Variants in FGF3 observed in about 807,000 individuals in gnomAD.
The protein encoded by FGF3 is fibroblast growth factor 3, also known as FGF-3.
In FGF3, 7 loss-of-function variants were observed where a neutral mutation model predicts 9.8. That is an observed-to-expected ratio of 0.72 (90% CI 0.41 to 1.35). The LOEUF (loss-of-function observed/expected upper bound fraction) is 1.35. Ranked by LOEUF, FGF3 falls within the 40% of genes most tolerant of loss-of-function variation. The pLI, the probability that FGF3 is intolerant of heterozygous loss-of-function variation, is 0.01. For synonymous variants in FGF3, 173 were observed against 157.2 expected, an observed-to-expected ratio of 1.10 and a Z score of -0.75; for missense variants, 390 against 345.6, an observed-to-expected ratio of 1.13 and a Z score of -1.02.
chr11:69,815,126 G>T (rs1349499437), intron 2 of FGF3, among the ~76,000 whole-genome samples: 6 of 151,004 alleles, frequency 4.0e-5, no homozygotes, highest in Non-Finnish European at 8.9e-5. Flanking sequence ...TGGATGGATG[G>T]ATGGATGGAT....
chr11:69,813,878 G>A (rs943642585), intron 2 of FGF3, among the ~76,000 whole-genome samples: 1 of 150,698 alleles, frequency 6.6e-6, no homozygotes, highest in East Asian at 2.0e-4. Context: ...ATAGGTGGAT[G>A]GATGGATGGG....
intron 1 of FGF3, among the ~76,000 whole-genome samples, chr11:69,816,758 G>T (rs1323831119): frequency 6.6e-6 from 1 of 152,192 alleles, no homozygotes; most frequent in African/African-American, 2.4e-5. Flanking sequence ...CAAGCAAGTG[G>T]GGACCACTAT....
intron 2 of FGF3, among the ~76,000 whole-genome samples, chr11:69,811,450 C>CAAAAAAAAAAAAAAAAAGA (rs1856029346): frequency 1.0e-5 from 1 of 97,364 alleles, no homozygotes; most frequent in Non-Finnish European, 2.1e-5. Flanking sequence ...AACTCTGACT[C>CAAAAAAAAAAAAAAAAAGA]AAAAAAAAAA....
intron 1 of FGF3, 130 bp downstream of exon 1, chr11:69,818,584 C>T (rs1856181691): frequency 1.6e-6 from 1 of 609,590 alleles, no homozygotes; most frequent in African/African-American, 2.0e-5. Flanking sequence ...CCCGGGCGCA[C>T]CATGCCTTCT....
intron 2 of FGF3, among the ~76,000 whole-genome samples, chr11:69,812,392 G>C (rs917388858): frequency 3.9e-5 from 6 of 152,118 alleles, no homozygotes; most frequent in Non-Finnish European, 5.9e-5. Flanking sequence ...TGGAAGGCTT[G>C]ACCTGGTGGT....
intron 1 of FGF3, 106 bp from the exon 2 acceptor site, chr11:69,816,529 G>C (rs13377253): frequency 3.8e-6 from 3 of 799,382 alleles, no homozygotes; most frequent in African/African-American, 3.4e-5. Flanking sequence ...GGCTGGGGAG[G>C]GTAGCACACA....
intron 2 of FGF3, among the ~76,000 whole-genome samples, chr11:69,815,107 GTGGATGGATGGATGGA>G (rs59823352): frequency 6.8e-6 from 1 of 147,676 alleles, no homozygotes; most frequent in South Asian, 2.2e-4. Flanking sequence ...GGGTGGATAG[GTGGATGGATGGATGGA>G]TGGATGGATG....
intron 1 of FGF3, among the ~76,000 whole-genome samples, chr11:69,818,425 C>T (rs542712502): frequency 6.6e-6 from 1 of 152,166 alleles, no homozygotes; most frequent in Non-Finnish European, 1.5e-5. Context: ...CTCTGACAGC[C>T]GCCGGCGCCC....
At position 69,813,637 on chromosome 11, in the gene FGF3, T is replaced by A. The variant is rs1565114827; in HGVS notation, c.324+2683A>T. ...ATGGGTGGATGGATGGATGGATGGA[T>A]GGGTGGATGGGTGGATGGATGGATG... On this transcript the variant is annotated intron_variant, in intron 2 of 2. Coordinates refer to ENST00000334134, the MANE Select transcript of FGF3 (RefSeq NM_005247.4). 1.4e-5 allele frequency among the ~76,000 whole-genome samples: 2 copies of A among 138,780 alleles called. 1 individual carries two copies. The highest frequency in any genetic ancestry group is 4.4e-4 in the East Asian group (2 of 4,504). The allele number at this position is 138,780 out of a possible 152,430, so 91.0% of individuals were successfully genotyped here.
At chr11:69,817,943 C>T (rs1200787350) in intron 1 of FGF3, among the ~76,000 whole-genome samples, 3 of 152,244 alleles carry the variant, frequency 2.0e-5, no homozygotes, top group Non-Finnish European at 4.4e-5. Flanking sequence ...GTCCTGCGTG[C>T]GGGGGCCGGA....
At chr11:69,813,637 TGGGTGGATGGGTG>T (rs1565114828) in intron 2 of FGF3, among the ~76,000 whole-genome samples, 1,967 of 138,006 alleles carry the variant, frequency 0.014, 236 homozygotes, top group East Asian at 0.028. Flanking sequence ...GATGGATGGA[TGGGTGGATGGGTG>T]GATGGATGGA....
intron 2 of FGF3, among the ~76,000 whole-genome samples, chr11:69,811,598 T>G (rs1268563713): frequency 1.3e-5 from 2 of 152,196 alleles, no homozygotes; most frequent in African/African-American, 4.8e-5. Context: ...GGGCCCCAGC[T>G]GGGGTCATTG....
At chr11:69,812,654 C>G (rs781910760) in intron 2 of FGF3, among the ~76,000 whole-genome samples, 1 of 152,250 alleles carries the variant, frequency 6.6e-6, no homozygotes, top group African/African-American at 2.4e-5. Context: ...GGCTCAGGGC[C>G]GACTTCCCCA....
chr11:69,814,426 C>A (rs782007359), intron 2 of FGF3, among the ~76,000 whole-genome samples: 1 of 151,430 alleles, frequency 6.6e-6, no homozygotes, highest in Non-Finnish European at 1.5e-5. Context: ...CTGCTGAGTT[C>A]GGTTCGAGTG....
chr11:69,816,241 C>T, intron 2 of FGF3, 79 bp downstream of exon 2: 2 of 1,132,366 alleles, frequency 1.8e-6, no homozygotes, highest in Admixed American at 1.7e-5. Context: ...CTACTGCCCA[C>T]ATCCCCCGTC....
chr11:69,818,234 G>C (rs1173966386), intron 1 of FGF3, among the ~76,000 whole-genome samples: 4 of 152,194 alleles, frequency 2.6e-5, no homozygotes, highest in Non-Finnish European at 5.9e-5. Flanking sequence ...TCCAGGGGTC[G>C]GCAGGAGGAG....
chr11:69,818,878 G>T lies in FGF3; in HGVS notation c.56C>A (p.Ala19Glu). 1 of 1,462,224 alleles carries T rather than the reference G, an allele frequency of 6.8e-7. No individual in the cohort carries two copies. Among genetic ancestry groups the T allele is most frequent in the Non-Finnish European group, 9.0e-7 (1 of 1,113,378 alleles). The allele number at this position is 1,462,224 out of a possible 1,614,324, so 90.6% of individuals were successfully genotyped here. ...GCGCCGCAACCGCGCCCCAGGGCCCGCTGCGGGCCAGCCGGGCTCCAGCAG... is the reference window on the plus strand; with the variant it reads ...GCGCCGCAACCGCGCCCCAGGGCCCTCTGCGGGCCAGCCGGGCTCCAGCAG... ...LSLLEPGWPA[A>E]GPGARLRRDA... Residue 19 changes from alanine to glutamate, a missense_variant, in exon 1 of 3, where the codon GCG (alanine) becomes GAG (glutamate). Ala to Glu is a moderately radical substitution (Grantham distance 107). Transcript: ENST00000334134.
At chr11:69,813,756 A>T (rs1156328830) in intron 2 of FGF3, among the ~76,000 whole-genome samples, 4 of 115,612 alleles carry the variant, frequency 3.5e-5, no homozygotes, top group African/African-American at 1.0e-4. Flanking sequence ...GGATGGATGG[A>T]TGGGTGGATG....
At chr11:69,816,479 G>A in intron 1 of FGF3, 56 bp from the exon 2 acceptor site, 5 of 1,353,968 alleles carry the variant, frequency 3.7e-6, no homozygotes, top group Non-Finnish European at 5.3e-6. Flanking sequence ...GGGCGGCTGA[G>A]GCCCAGCTGG....
Sources: allele counts gnomAD v4.1 joint callset (sites outside exome capture counted in the v4.1 genomes callset), GRCh38; gene constraint gnomAD v4.1.1; transcripts MANE v1.5; gene names NCBI Gene and HGNC (gene_info 2026-07-23, HGNC 2026-07-21).